The following CCDC146 variants were observed in gnomAD, a reference collection of about 807,000 sequenced individuals.
CCDC146 encodes the protein coiled-coil domain containing 146, also known as coiled-coil domain-containing protein 146.
A neutral mutation model predicts 119.3 loss-of-function variants in CCDC146; 92 were observed. The ratio of observed to expected loss-of-function variants is 0.77; its 90% CI spans 0.65 to 0.92. The LOEUF (loss-of-function observed/expected upper bound fraction) is 0.92, where lower values mean the gene tolerates loss of function less well. CCDC146 is among the 40% of genes least tolerant of loss of function. The pLI, the probability that CCDC146 is intolerant of heterozygous loss-of-function variation, is 0.00. For synonymous variants in CCDC146, 372 were observed against 371.8 expected (o/e 1.00, Z -0.01); for missense variants, 1,000 against 1,103.0 (o/e 0.91, Z 1.32).
chr7:77,266,516 C>G (rs936385595), intron 9 of CCDC146, among the ~76,000 whole-genome samples: 1 of 151,982 alleles, frequency 6.6e-6, no homozygotes, highest in African/African-American at 2.4e-5. Flanking sequence ...TGTGTGGTAC[C>G]GAGAAGATAC....
intron 1 of CCDC146, among the ~76,000 whole-genome samples, chr7:77,136,283 G>A (rs1790859270): frequency 6.6e-6 from 1 of 152,110 alleles, no homozygotes; most frequent in Non-Finnish European, 1.5e-5. Flanking sequence ...AAGAATTAGA[G>A]CAGATATCAA....
intron 15 of CCDC146, among the ~76,000 whole-genome samples, chr7:77,286,530 C>T (rs1003371254): frequency 1.3e-5 from 2 of 152,158 alleles, no homozygotes; most frequent in Admixed American, 6.5e-5. Flanking sequence ...AATCAAGGGC[C>T]GCTTGTGAAA....
At chr7:77,123,873 A>G (rs901187200) in intron 1 of CCDC146, among the ~76,000 whole-genome samples, 3 of 152,304 alleles carry the variant, frequency 2.0e-5, no homozygotes, top group Admixed American at 2.0e-4. Flanking sequence ...CTCACTCATT[A>G]TAGGTGCTAG....
At chr7:77,142,341 T>TATTC (rs1427439889) in intron 1 of CCDC146, among the ~76,000 whole-genome samples, 1 of 151,494 alleles carries the variant, frequency 6.6e-6, no homozygotes, top group African/African-American at 2.4e-5. Flanking sequence ...TTTATTTATT[T>TATTC]ATATTATACT....
intron 1 of CCDC146, among the ~76,000 whole-genome samples, chr7:77,134,118 G>A (rs1348123105): frequency 1.3e-5 from 2 of 151,864 alleles, no homozygotes; most frequent in East Asian, 1.9e-4. Context: ...ATTTGGTTGT[G>A]GATGCAGAAC....
chr7:77,278,656 G>C (rs2150544485), intron 11 of CCDC146, 96 bp from the exon 12 acceptor site: 2 of 862,788 alleles, frequency 2.3e-6, no homozygotes, highest in Non-Finnish European at 3.7e-6. Context: ...TGTTGCCTAG[G>C]CTGGAGAATT....
chr7:77,149,961 C>CT (rs1325946513), intron 1 of CCDC146, among the ~76,000 whole-genome samples: 3 of 150,810 alleles, frequency 2.0e-5, no homozygotes, highest in Admixed American at 6.6e-5. Flanking sequence ...GGAAGAAGAT[C>CT]TTTTTTTTCA....
intron 1 of CCDC146, among the ~76,000 whole-genome samples, chr7:77,146,744 A>C (rs1375444750): frequency 3.9e-5 from 6 of 152,178 alleles, no homozygotes; most frequent in Admixed American, 6.6e-5. Flanking sequence ...GGCCCCCACT[A>C]ACTTCTGGCT....
chr7:77,245,057 G>C (rs1330535219), intron 4 of CCDC146, among the ~76,000 whole-genome samples: 3 of 152,134 alleles, frequency 2.0e-5, no homozygotes, highest in Non-Finnish European at 4.4e-5. Flanking sequence ...GGATTTTACT[G>C]TGTAATTTTG....
chr7:77,259,005 CCCA>C lies in CCDC146; in HGVS notation c.699_701del (p.His234del). ...TCGTTTCTTTACTAGGATGAAGTGG[CCCA>C]CCATCAAACCATTCCAGTACAAATT... On this transcript the variant is annotated inframe_deletion, in exon 7 of 19. Transcript: ENST00000285871. The C allele has an allele frequency of 6.2e-7, 1 of 1,611,080 alleles. No homozygotes were observed. The highest frequency in any genetic ancestry group is 1.3e-5 in the African/African-American group (1 of 74,948).
chr7:77,165,515 A>C (rs1468391978), intron 1 of CCDC146, among the ~76,000 whole-genome samples: 1 of 152,096 alleles, frequency 6.6e-6, no homozygotes, highest in Non-Finnish European at 1.5e-5. Context: ...AAATGCATGC[A>C]TCAGGGCAGT....
At chr7:77,240,356 G>A (rs1717427211) in intron 3 of CCDC146, among the ~76,000 whole-genome samples, 1 of 152,196 alleles carries the variant, frequency 6.6e-6, no homozygotes, top group African/African-American at 2.4e-5. Context: ...TAGGAGCTAA[G>A]CCTTATTCAC....
chr7:77,142,305 CATTTATTTATTTATTT>C (rs34373715), intron 1 of CCDC146, among the ~76,000 whole-genome samples: 5,508 of 142,840 alleles, frequency 0.039, 278 homozygotes, highest in African/African-American at 0.13. Context: ...CATGATTGTA[CATTTATTTATTTATTT>C]ATTTATTTAT....
chr7:77,277,408 A>T (rs1421983987), intron 11 of CCDC146, among the ~76,000 whole-genome samples: 1 of 152,260 alleles, frequency 6.6e-6, no homozygotes, highest in Non-Finnish European at 1.5e-5. Context: ...GCTAATTTGT[A>T]TTAAACCAAA....
At chr7:77,152,735 C>A (rs529424399) in intron 1 of CCDC146, among the ~76,000 whole-genome samples, 1 of 152,218 alleles carries the variant, frequency 6.6e-6, no homozygotes, top group East Asian at 1.9e-4. Context: ...GGACCCAGAT[C>A]ATCTTTTCCA....
At chr7:77,179,708 G>A (rs542296253) in intron 2 of CCDC146, among the ~76,000 whole-genome samples, 13 of 151,912 alleles carry the variant, frequency 8.6e-5, no homozygotes, top group Admixed American at 1.3e-4. Context: ...GGATTTGCTC[G>A]TTCAAAAAAA....
intron 1 of CCDC146, among the ~76,000 whole-genome samples, chr7:77,144,835 A>T (rs1790990292): frequency 1.3e-5 from 2 of 151,102 alleles, no homozygotes; most frequent in South Asian, 4.2e-4. Context: ...TTTATTGAGG[A>T]TTTTTTCATC....
chr7:77,273,832 C>A, intron 10 of CCDC146, 43 bp downstream of exon 10: 1 of 1,304,258 alleles, frequency 7.7e-7, no homozygotes. Flanking sequence ...AAGAAGCGTT[C>A]ATACAAAGTT....
intron 2 of CCDC146, among the ~76,000 whole-genome samples, chr7:77,221,953 C>T (rs1040414955): frequency 7.2e-5 from 11 of 152,208 alleles, no homozygotes; most frequent in South Asian, 2.1e-4. Context: ...AGAATTTCAG[C>T]GAACAAAACT....
Sources: gnomAD v4.1 joint callset for allele counts (sites outside exome capture counted in the v4.1 genomes callset) on GRCh38, gnomAD v4.1.1 for gene constraint, MANE v1.5 for transcripts, NCBI Gene and HGNC (gene_info 2026-07-23, HGNC 2026-07-21) for gene names.